Variants in CNTN4 observed in about 807,000 individuals in gnomAD.
CNTN4 encodes the protein contactin 4, also known as contactin-4.
CNTN4 carries 77 observed loss-of-function variants against 122.5 expected under a neutral mutation model. The ratio of observed to expected loss-of-function variants is 0.63; its 90% confidence interval spans 0.52 to 0.76. CNTN4 has a LOEUF of 0.76. Among genes scored for constraint, CNTN4 ranks in the 30% least tolerant of loss-of-function variants. The pLI, the probability that CNTN4 is intolerant of heterozygous loss-of-function variation, is 0.00. For synonymous variants in CNTN4, 512 were observed against 447.0 expected (o/e 1.15, Z -1.83); for missense variants, 1,256 against 1,259.1 (o/e 1.00, Z 0.04).
At chr3:2,800,990 A>G (rs778973798) in intron 6 of CNTN4, among the ~76,000 whole-genome samples, 10 of 152,156 alleles carry the variant, frequency 6.6e-5, no homozygotes, top group Admixed American at 2.0e-4. Flanking sequence ...CAGCTCTCTC[A>G]ATCCCTCTGA....
At chr3:2,944,558 ACT>A (rs1400603285) in intron 13 of CNTN4, among the ~76,000 whole-genome samples, 1 of 152,178 alleles carries the variant, frequency 6.6e-6, no homozygotes, top group African/African-American at 2.4e-5. Context: ...TGAATACTAG[ACT>A]CTATTAAACA....
chr3:2,242,231 TA>T (rs1316437763), intron 2 of CNTN4, among the ~76,000 whole-genome samples: 4 of 152,122 alleles, frequency 2.6e-5, no homozygotes, highest in Non-Finnish European at 5.9e-5. Context: ...TATTTAATAT[TA>T]ATATAAATAA....
At chr3:2,818,194 T>G (rs893367150) in intron 6 of CNTN4, among the ~76,000 whole-genome samples, 1 of 152,216 alleles carries the variant, frequency 6.6e-6, no homozygotes, top group Non-Finnish European at 1.5e-5. Flanking sequence ...TAATGGAGTT[T>G]TTATGAATAT....
At position 2,433,034 on chromosome 3, in the gene CNTN4, G is replaced by C. The variant is rs750711748; in HGVS notation, c.-89+93801G>C. Among the ~76,000 whole-genome samples, 84 of 151,984 alleles carry C rather than the reference G, an allele frequency of 5.5e-4. 2 individuals are homozygous for C. The highest frequency in any genetic ancestry group is 1.2e-4 in the Non-Finnish European group (8 of 67,992). On this transcript the variant is annotated intron_variant, in intron 3 of 24. Transcript: ENST00000418658. ...GATGGGGTTTTGCCGTGTTGCTCAA[G>C]TTGGTCTGGAACTCCTGGGCTCAAG...
rs2082126414 is a variant in CNTN4 at position 2,624,913 on chromosome 3, A to G, written c.55+53355A>G. On this transcript the variant is annotated intron_variant, in intron 4 of 24. Coordinates refer to ENST00000418658, the MANE Select transcript of CNTN4 (RefSeq NM_175607.3). ...CTCCTAGAGTGCTGGGATTACAGGC[A>G]TGAGCCACTGGGCCTGGCCTCTGAT... Among the ~76,000 whole-genome samples the G allele has an allele frequency of 2.0e-5, 3 of 152,014 alleles. No homozygotes were observed. The South Asian group carries it at 6.2e-4, about 32-fold the overall frequency.
At chr3:2,394,663 C>G (rs1026957824) in intron 3 of CNTN4, among the ~76,000 whole-genome samples, 50 of 151,886 alleles carry the variant, frequency 3.3e-4, no homozygotes, top group African/African-American at 1.2e-3. Context: ...AAGGGTTTGA[C>G]AGGTTTATAA....
intron 3 of CNTN4, among the ~76,000 whole-genome samples, chr3:2,373,868 T>C (rs2045722867): frequency 6.6e-6 from 1 of 152,216 alleles, no homozygotes; most frequent in Non-Finnish European, 1.5e-5. Flanking sequence ...GATGCAATTA[T>C]TGGAAATTCA....
chr3:2,941,370 C>T (rs1264092637), intron 13 of CNTN4, among the ~76,000 whole-genome samples: 1 of 152,080 alleles, frequency 6.6e-6, no homozygotes, highest in African/African-American at 2.4e-5. Flanking sequence ...TGTGTGTCTT[C>T]AGTACAGGAT....
intron 3 of CNTN4, among the ~76,000 whole-genome samples, chr3:2,459,601 C>A (rs1194561749): frequency 6.6e-6 from 1 of 152,058 alleles, no homozygotes; most frequent in Non-Finnish European, 1.5e-5. Flanking sequence ...CTTGGTCTTG[C>A]CCTTTAGATA....
At chr3:2,813,173 T>A (rs1357874372) in intron 6 of CNTN4, among the ~76,000 whole-genome samples, 1 of 152,244 alleles carries the variant, frequency 6.6e-6, no homozygotes, top group Non-Finnish European at 1.5e-5. Context: ...AGTGAGTTTT[T>A]AAAGTTACTC....
chr3:3,006,825 C>A (rs1480405954), intron 14 of CNTN4, among the ~76,000 whole-genome samples: 2 of 152,112 alleles, frequency 1.3e-5, no homozygotes, highest in African/African-American at 4.8e-5. Context: ...ATGGGAGGTC[C>A]AACCTGTTAT....
At chr3:2,802,673 C>A (rs766494119) in intron 6 of CNTN4, among the ~76,000 whole-genome samples, 1 of 152,126 alleles carries the variant, frequency 6.6e-6, no homozygotes, top group Non-Finnish European at 1.5e-5. Flanking sequence ...AAACCTAACC[C>A]TGTATTTCCC....
intron 4 of CNTN4, among the ~76,000 whole-genome samples, chr3:2,685,445 T>C (rs1251578832): frequency 5.3e-5 from 8 of 152,172 alleles, no homozygotes; most frequent in Admixed American, 5.2e-4. Flanking sequence ...TCTAGTTTTA[T>C]TTCAGTTTAG....
At chr3:2,499,861 G>C (rs1575777998) in intron 3 of CNTN4, among the ~76,000 whole-genome samples, 3 of 152,000 alleles carry the variant, frequency 2.0e-5, no homozygotes, top group African/African-American at 7.2e-5. Context: ...TCCAGTTCAT[G>C]AACCTGGTAT....
At chr3:2,600,707 T>G (rs1248079316) in intron 4 of CNTN4, among the ~76,000 whole-genome samples, 1 of 152,176 alleles carries the variant, frequency 6.6e-6, no homozygotes, top group Non-Finnish European at 1.5e-5. Context: ...GTCCTTTGGG[T>G]ATATACCCAG....
In CNTN4 at chr3:2,925,352, G is replaced by A. The variant is rs962982545; in HGVS notation, c.1208-277G>A. ...GGGCGGATCACGAGGTCAAGAGCTC[G>A]AGACCATCCTGGCCAACATGGTGAA... On this transcript the variant is annotated intron_variant, in intron 12 of 24. Coordinates refer to ENST00000418658, the MANE Select transcript of CNTN4 (RefSeq NM_175607.3). Among the ~76,000 whole-genome samples, 9 of 152,004 alleles carry A rather than the reference G, an allele frequency of 5.9e-5. 1 individual carries two copies. The highest frequency in any genetic ancestry group is 2.0e-4 in the Admixed American group (3 of 15,268).
intron 2 of CNTN4, among the ~76,000 whole-genome samples, chr3:2,182,304 A>C (rs186930983): frequency 1.3e-5 from 2 of 152,076 alleles, no homozygotes; most frequent in African/African-American, 2.4e-5. Flanking sequence ...ACACATATAC[A>C]CATATATATC....
Position 2,760,268 on chromosome 3 carries a change from C to T in CNTN4, c.358+14571C>T, listed in dbSNP as rs564131288. Among the ~76,000 whole-genome samples, 4 of 152,290 alleles carry T rather than the reference C, an allele frequency of 2.6e-5. 1 individual carries two copies. Among genetic ancestry groups the T allele is most frequent in the African/African-American group, 9.6e-5 (4 of 41,572 alleles). On this transcript the variant is annotated intron_variant, in intron 6 of 24. Transcript: ENST00000418658. ...ATTGCCTAATCCAAGGTGACAAAAA[C>T]TTACTCCTATGTTTTCTTCTAAGAG... is the stretch of plus-strand genomic sequence containing the variant.
Position 2,981,213 on chromosome 3 carries a change from G to A in CNTN4, c.1359-7132G>A, listed in dbSNP as rs1392803485. Reference sequence around the variant, plus strand: ...TAGTACCAGCACTTTGGCAGGCCGAGGCAGGCAGATCACGAGGTCAGGAGA... The same window carrying A: ...TAGTACCAGCACTTTGGCAGGCCGAAGCAGGCAGATCACGAGGTCAGGAGA... On this transcript the variant is annotated intron_variant, in intron 13 of 24. Transcript: ENST00000418658. 2.0e-5 allele frequency among the ~76,000 whole-genome samples: 3 copies of A among 152,324 alleles called. No homozygotes were observed. The East Asian group carries it at 5.8e-4, about 29-fold the overall frequency.
Sources: allele counts gnomAD v4.1 joint callset (sites outside exome capture counted in the v4.1 genomes callset), GRCh38; gene constraint gnomAD v4.1.1; transcripts MANE v1.5; gene names NCBI Gene and HGNC (gene_info 2026-07-23, HGNC 2026-07-21).